MTUS2: variants seen among roughly 807,000 people sequenced by gnomAD.
The protein encoded by MTUS2 is microtubule-associated tumor suppressor candidate 2.
MTUS2 carries 40 observed loss-of-function variants against 114.1 expected under a neutral mutation model. The ratio of observed to expected loss-of-function variants is 0.35; its 90% CI spans 0.27 to 0.46. The LOEUF is 0.46. MTUS2 is among the 20% of genes least tolerant of loss of function. MTUS2 has a pLI of 1.00. For missense variants in MTUS2, 1,679 were observed against 1,705.4 expected, an observed-to-expected ratio of 0.98 and a Z score of 0.27; for synonymous variants, 688 against 672.0, an observed-to-expected ratio of 1.02 and a Z score of -0.37.
intron 11 of MTUS2, among the ~76,000 whole-genome samples, chr13:29,491,115 A>AGT (rs553373234): frequency 6.8e-6 from 1 of 146,976 alleles, no homozygotes; most frequent in African/African-American, 2.5e-5. Flanking sequence ...TAGTGTGTGC[A>AGT]GTGTGTGGGT....
At chr13:29,353,954 G>A (rs76067805) in intron 7 of MTUS2, among the ~76,000 whole-genome samples, 307 of 152,270 alleles carry the variant, frequency 2.0e-3, no homozygotes, top group African/African-American at 6.9e-3. Flanking sequence ...TCACTCTTCA[G>A]ATCTTCAGAA....
At chr13:29,062,533 A>G (rs1321884275) in intron 4 of MTUS2, among the ~76,000 whole-genome samples, 1 of 152,164 alleles carries the variant, frequency 6.6e-6, no homozygotes, top group Non-Finnish European at 1.5e-5. Context: ...GCATTTACAT[A>G]TTTCCAACCT....
intron 4 of MTUS2, among the ~76,000 whole-genome samples, chr13:29,092,104 A>G (rs1285561701): frequency 5.3e-5 from 8 of 152,378 alleles, no homozygotes; most frequent in East Asian, 3.9e-4. Context: ...GCCTAGGCAG[A>G]TAGGGTTGGG....
intron 4 of MTUS2, among the ~76,000 whole-genome samples, chr13:29,054,627 A>G (rs1416337739): frequency 6.6e-6 from 1 of 152,144 alleles, no homozygotes; most frequent in East Asian, 1.9e-4. Flanking sequence ...GTTGAACTAT[A>G]TAATTAGAAA....
At chr13:29,264,629 A>G (rs34077756) in intron 5 of MTUS2, among the ~76,000 whole-genome samples, 1,997 of 152,368 alleles carry the variant, frequency 0.013, 28 homozygotes, top group East Asian at 0.081. Context: ...GCACTCTTCT[A>G]TATACCTGAA....
intron 5 of MTUS2, among the ~76,000 whole-genome samples, chr13:29,143,740 G>A (rs1892320289): frequency 6.6e-6 from 1 of 152,184 alleles, no homozygotes; most frequent in African/African-American, 2.4e-5. Flanking sequence ...AATTATGTAG[G>A]CTGGTAAAAA....
At chr13:29,215,931 A>G (rs1895661627) in intron 5 of MTUS2, among the ~76,000 whole-genome samples, 1 of 152,208 alleles carries the variant, frequency 6.6e-6, no homozygotes, top group Non-Finnish European at 1.5e-5. Context: ...TGCTTTCTTC[A>G]GAGCTGGCAG....
chr13:29,003,588 T>C (rs1885475815), intron 2 of MTUS2, among the ~76,000 whole-genome samples: 1 of 152,240 alleles, frequency 6.6e-6, no homozygotes, highest in Non-Finnish European at 1.5e-5. Flanking sequence ...TATCTAGTAC[T>C]GTATCACCAG....
chr13:28,871,250 T>TTC (rs1877600051), intron 2 of MTUS2, among the ~76,000 whole-genome samples: 1 of 152,212 alleles, frequency 6.6e-6, no homozygotes, highest in Non-Finnish European at 1.5e-5. Context: ...CCACAAGCCC[T>TTC]TCTATCTCCT....
chr13:29,454,290 C>G (rs1307699465), intron 9 of MTUS2, among the ~76,000 whole-genome samples: 1 of 152,130 alleles, frequency 6.6e-6, no homozygotes, highest in Middle Eastern at 3.2e-3. Context: ...AGAGTTTAGC[C>G]AGTCAGAAAG....
chr13:29,125,607 C>T (rs1891480704), intron 5 of MTUS2, among the ~76,000 whole-genome samples: 1 of 152,098 alleles, frequency 6.6e-6, no homozygotes, highest in Non-Finnish European at 1.5e-5. Context: ...TTTTCTTAGC[C>T]AAAGCACCTT....
chr13:29,008,259 A>G (rs1885686024), intron 2 of MTUS2, among the ~76,000 whole-genome samples: 1 of 152,156 alleles, frequency 6.6e-6, no homozygotes, highest in African/African-American at 2.4e-5. Context: ...AGGTTTCTTT[A>G]TCTTAGAGAG....
intron 2 of MTUS2, among the ~76,000 whole-genome samples, chr13:28,935,006 GTTTTTTTTTTTTTTTTTT>G (rs775863792): frequency 2.4e-5 from 1 of 41,438 alleles, no homozygotes; most frequent in Non-Finnish European, 4.1e-5. Flanking sequence ...TCTCCATAGC[GTTTTTTTTTTTTTTTTTT>G]TTTTTTTTTG....
chr13:29,156,098 A>G (rs945789940), intron 5 of MTUS2, among the ~76,000 whole-genome samples: 1 of 152,150 alleles, frequency 6.6e-6, no homozygotes, highest in Non-Finnish European at 1.5e-5. Flanking sequence ...TTCATTAAAC[A>G]TAATCACCTA....
intron 2 of MTUS2, among the ~76,000 whole-genome samples, chr13:28,887,345 G>A (rs1352986638): frequency 2.6e-5 from 4 of 152,112 alleles, no homozygotes; most frequent in African/African-American, 4.8e-5. Context: ...GACGCTACTC[G>A]TTTCTGACGC....
At chr13:29,185,749 A>G (rs1184046891) in intron 5 of MTUS2, among the ~76,000 whole-genome samples, 1 of 152,250 alleles carries the variant, frequency 6.6e-6, no homozygotes, top group Admixed American at 6.5e-5. Context: ...ATCTGTCACT[A>G]TCAGATATTT....
intron 5 of MTUS2, among the ~76,000 whole-genome samples, chr13:29,159,835 G>A (rs1438088825): frequency 1.3e-5 from 2 of 152,216 alleles, no homozygotes; most frequent in Admixed American, 6.5e-5. Flanking sequence ...AGAAAATAGC[G>A]ACATCACCAA....
At chr13:28,932,269 T>G (rs921553525) in intron 2 of MTUS2, among the ~76,000 whole-genome samples, 2 of 152,226 alleles carry the variant, frequency 1.3e-5, no homozygotes, top group Admixed American at 1.3e-4. Context: ...GAGCGTTTGT[T>G]TCCTTGTTTG....
intron 5 of MTUS2, among the ~76,000 whole-genome samples, chr13:29,199,944 T>G (rs1894870380): frequency 6.6e-6 from 1 of 152,180 alleles, no homozygotes; most frequent in Non-Finnish European, 1.5e-5. Context: ...GCCCAGGAAT[T>G]TATCCATTTC....
Sources: allele counts gnomAD v4.1 joint callset (sites outside exome capture counted in the v4.1 genomes callset), GRCh38; gene constraint gnomAD v4.1.1; transcripts MANE v1.5; gene names NCBI Gene and HGNC (gene_info 2026-07-23, HGNC 2026-07-21).